The following RUVBL1 variants were observed in gnomAD, a reference collection of about 807,000 sequenced individuals.
RUVBL1 encodes ruvB-like 1.
Under a neutral mutation model 52.4 loss-of-function variants are expected in RUVBL1, and 4 were observed. That is an observed-to-expected ratio of 0.08 (90% CI 0.04 to 0.17). The LOEUF (loss-of-function observed/expected upper bound fraction) is 0.17. Ranked by LOEUF, RUVBL1 falls within the 10% of genes least tolerant of loss-of-function variation. The pLI is 1.00. For missense variants in RUVBL1, 298 were observed against 572.8 expected, an observed-to-expected ratio of 0.52 and a Z score of 4.90; for synonymous variants, 217 against 214.4, an observed-to-expected ratio of 1.01 and a Z score of -0.10.
At chr3:128,136,966 A>G (rs1943957326) in intron 1 of RUVBL1, among the ~76,000 whole-genome samples, 1 of 151,606 alleles carries the variant, frequency 6.6e-6, no homozygotes, top group South Asian at 2.1e-4. Flanking sequence ...TTAATCTGCT[A>G]TAGACCAAAT....
exon 10 of RUVBL1, chr3:128,064,964 A>G (rs749241924): frequency 6.2e-7 from 1 of 1,614,188 alleles, no homozygotes. Context: ...GAGGCGTTCT[A>G]CCGCCAGAAT....
downstream of RUVBL1, among the ~76,000 whole-genome samples, chr3:128,080,257 T>C (rs546839251): frequency 6.0e-4 from 92 of 152,318 alleles, 1 homozygote; most frequent in African/African-American, 2.1e-3. Context: ...TCTACTAAAG[T>C]ATACAATGAA....
chr3:128,106,130 T>C (rs1436579605), intron 3 of RUVBL1, among the ~76,000 whole-genome samples: 1 of 152,186 alleles, frequency 6.6e-6, no homozygotes. Context: ...TCCACCCACC[T>C]TGGCCTCCCA....
chr3:128,134,518 G>A (rs1345357091), intron 1 of RUVBL1, among the ~76,000 whole-genome samples: 1 of 151,286 alleles, frequency 6.6e-6, no homozygotes, highest in Non-Finnish European at 1.5e-5. Context: ...CAGGCATGGT[G>A]GCTCATGCCT....
rs1011444774 is a variant in RUVBL1, at chr3:128,067,655, AC to A, written c.940-2436del. 6.7e-7 allele frequency: 1 copy of A among 1,485,018 alleles called. No individual in the cohort carries two copies. Among genetic ancestry groups the A allele is most frequent in the Admixed American group, 1.7e-5 (1 of 57,192 alleles). 92.0% of individuals were successfully genotyped at this position (1,485,018 alleles called of 1,614,324 possible). ...TTTCTGGAAGGGTGATGAAAGTGTGACTGGTATAAGGGGTGTGGACTTGTCA... is the reference window on the plus strand; with the variant it reads ...TTTCTGGAAGGGTGATGAAAGTGTGATGGTATAAGGGGTGTGGACTTGTCA... On this transcript the variant is annotated intron_variant, in intron 9 of 9. Transcript: ENST00000464873. The surrounding 1 kb of genome is among the most constrained non-coding windows in gnomAD (Gnocchi z 4.1).
intron 9 of RUVBL1, among the ~76,000 whole-genome samples, chr3:128,072,259 G>T (rs548330696): frequency 6.6e-6 from 1 of 152,164 alleles, no homozygotes; most frequent in South Asian, 2.1e-4. Context: ...CCTGGACAGG[G>T]CCTCACCCCA....
chr3:128,109,640 C>T (rs1943329773), intron 3 of RUVBL1, among the ~76,000 whole-genome samples: 1 of 151,762 alleles, frequency 6.6e-6, no homozygotes, highest in South Asian at 2.1e-4. Context: ...ACTACAGGCA[C>T]ACGTCACCAC....
chr3:128,139,235 CA>C (rs1390743709), intron 1 of RUVBL1, among the ~76,000 whole-genome samples: 4 of 152,092 alleles, frequency 2.6e-5, no homozygotes, highest in Non-Finnish European at 5.9e-5. Context: ...AACAAAGAAA[CA>C]ATCAACAAAG....
intron 1 of RUVBL1, among the ~76,000 whole-genome samples, chr3:128,144,620 G>A (rs1280435264): frequency 1.3e-5 from 2 of 152,194 alleles, no homozygotes; most frequent in South Asian, 4.1e-4. Flanking sequence ...CGTGTGCCAG[G>A]CCCAGGGCTA....
intron 4 of RUVBL1, among the ~76,000 whole-genome samples, chr3:128,102,994 G>A (rs1385054667): frequency 6.6e-6 from 1 of 152,152 alleles, no homozygotes; most frequent in Non-Finnish European, 1.5e-5. Flanking sequence ...TGGCAGGAAG[G>A]GGTCATGAGT....
At position 128,097,502 on chromosome 3, in the gene RUVBL1, G is replaced by A; in HGVS notation, c.818-4C>T. 1 of 1,614,078 alleles carries A rather than the reference G, an allele frequency of 6.2e-7. No homozygotes were observed. The highest frequency in any genetic ancestry group is 8.5e-7 in the Non-Finnish European group (1 of 1,179,936). ...TTAATCTCCCCTCGAAGTTTGTCTA[G>A]GAGATGCAAGGATGGGCAGGCAAGG... is the stretch of plus-strand genomic sequence containing the variant. On this transcript the variant is annotated splice_region_variant and splice_polypyrimidine_tract_variant and intron_variant, in intron 7 of 10. Coordinates refer to ENST00000322623, the MANE Select transcript of RUVBL1 (RefSeq NM_003707.3).
chr3:128,090,845 C>T (rs1942815803), intron 8 of RUVBL1, among the ~76,000 whole-genome samples: 1 of 151,908 alleles, frequency 6.6e-6, no homozygotes, highest in Non-Finnish European at 1.5e-5. Context: ...TCAATTTTGC[C>T]ACATTAAAAT....
chr3:128,067,841 C>A lies in RUVBL1; in HGVS notation c.940-2621G>T. ...TGTAAAGTTAGACTTTTTCATATGACTTCCTTGCGGCAGTTTTAAAGTTCT... is the reference window on the plus strand; with the variant it reads ...TGTAAAGTTAGACTTTTTCATATGAATTCCTTGCGGCAGTTTTAAAGTTCT... On this transcript the variant is annotated intron_variant, in intron 9 of 9. Transcript: ENST00000464873. This position sits in a 1 kb window ranked among gnomAD's most constrained non-coding sequence, Gnocchi z 4.1. The A allele has an allele frequency of 1.3e-6, 1 of 751,808 alleles. No homozygotes were observed. 46.6% of individuals were successfully genotyped at this position (751,808 alleles called of 1,614,324 possible).
intron 8 of RUVBL1, among the ~76,000 whole-genome samples, chr3:128,095,011 C>A (rs1004632132): frequency 6.6e-6 from 1 of 152,254 alleles, no homozygotes; most frequent in African/African-American, 2.4e-5. Context: ...AATCCATGTT[C>A]TGAGTGTCTT....
chr3:128,117,647 C>A lies in RUVBL1; in HGVS notation c.228+1681G>T, dbSNP rs552971766. ...TTTTTTTTTGAGACGTAGTCTTGCT[C>A]TGTCACCCAGGCTAGAGTGCAATGG... On this transcript the variant is annotated intron_variant, in intron 2 of 10. Transcript: ENST00000322623. Among the ~76,000 whole-genome samples the A allele has an allele frequency of 4.0e-4, 60 of 150,586 alleles. 1 individual carries two copies. The highest frequency in any genetic ancestry group is 3.8e-3 in the Admixed American group (58 of 15,152).
exon 1 of RUVBL1, chr3:128,153,700 C>T: frequency 6.3e-7 from 1 of 1,587,856 alleles, no homozygotes; most frequent in East Asian, 2.3e-5. Flanking sequence ...CGCGCGCCTG[C>T]GGTCGTCTTT....
chr3:128,101,130 C>T (rs1001991609), intron 5 of RUVBL1, among the ~76,000 whole-genome samples: 8 of 152,182 alleles, frequency 5.3e-5, no homozygotes, highest in African/African-American at 1.7e-4. Flanking sequence ...GTGAGGAACA[C>T]TGTACAGGAC....
At chr3:128,119,441 T>C (rs1943594384) in intron 1 of RUVBL1, 27 bp from the exon 2 acceptor site, 3 of 1,567,290 alleles carry the variant, frequency 1.9e-6, no homozygotes, top group South Asian at 1.1e-5. Context: ...AAAGAAATAA[T>C]AAATCAATAT....
rs183022083 is a variant in RUVBL1, at chr3:128,085,886, C to T, written c.1119+1820G>A. On this transcript the variant is annotated intron_variant, in intron 9 of 10. Transcript: ENST00000322623. The stretch of plus-strand genomic sequence containing the variant: ...CTAGCAGGAGGGAAGCTGGGTGGCA[C>T]GGTGATTAAGAACACGGGTTTCCGG... Among the ~76,000 whole-genome samples the T allele has an allele frequency of 2.0e-3, 311 of 152,300 alleles. 2 individuals carry two copies. The highest frequency in any genetic ancestry group is 6.8e-3 in the African/African-American group (281 of 41,562).
Sources: gnomAD v4.1 joint callset for allele counts (sites outside exome capture counted in the v4.1 genomes callset) on GRCh38, gnomAD v4.1.1 for gene constraint, Gnocchi (gnomAD v3.1) non-coding constraint, MANE v1.5 for transcripts, NCBI Gene and HGNC (gene_info 2026-07-23, HGNC 2026-07-21) for gene names.